The following SPINK2 variants were observed in gnomAD, a reference collection of about 807,000 sequenced individuals.
SPINK2 encodes serine peptidase inhibitor Kazal type 2, also known as serine protease inhibitor Kazal-type 2.
SPINK2 carries 8 observed loss-of-function variants against 13.5 expected under a neutral mutation model. That is an observed-to-expected ratio of 0.59 (90% CI 0.35 to 1.07). The LOEUF (loss-of-function observed/expected upper bound fraction) is 1.07. Among genes scored for constraint, SPINK2 ranks in the 50% least tolerant of loss-of-function variants. SPINK2 has a pLI of 0.02. For missense variants in SPINK2, 148 were observed against 180.3 expected (o/e 0.82, Z 1.03); for synonymous variants, 76 against 74.7 (o/e 1.02, Z -0.09).
upstream of SPINK2, chr4:56,821,746 A>AGGGCGGGGAAG (rs141973778): frequency 8.1e-7 from 1 of 1,237,718 alleles, no homozygotes; most frequent in African/African-American, 1.8e-5. Context: ...GGGCGCGGGG[A>AGGGCGGGGAAG]GGGCGGGGGA....
intron 2 of SPINK2, among the ~76,000 whole-genome samples, chr4:56,813,919 C>CT (rs71194126): frequency 0.021 from 2,027 of 97,088 alleles, 33 homozygotes; most frequent in East Asian, 0.065. Context: ...GCACCTGGCC[C>CT]TTTTTTTTTT....
chr4:56,814,290 C>T (rs1436553913), intron 2 of SPINK2, among the ~76,000 whole-genome samples: 1 of 151,984 alleles, frequency 6.6e-6, no homozygotes, highest in Non-Finnish European at 1.5e-5. Flanking sequence ...CCACCCCATT[C>T]CTCAGTCCAT....
Position 56,821,537 on chromosome 4 carries a change from G to T in SPINK2, c.126C>A (p.Gly42=). Residue 42 remains glycine, a synonymous_variant, in exon 1 of 4, where the codon GGC becomes GGA. Transcript: ENST00000506738. ...GGCCGCCCGGAGCAGGGCAGGGTCC[G>T]CCGCCGGTCTGACTCCCAAACCCGC... ...EKSGFGSQTG[G]GPCPAPGGLG... is the part of the protein sequence containing the mutation. 6.5e-7 allele frequency: 1 copy of T among 1,545,530 alleles called. No homozygotes were observed.
chr4:56,815,377 C>T (rs866698663), intron 2 of SPINK2, among the ~76,000 whole-genome samples: 3 of 152,162 alleles, frequency 2.0e-5, no homozygotes, highest in Middle Eastern at 3.4e-3. Context: ...AAATAAAATG[C>T]ACCTAGATTG....
chr4:56,815,066 C>G (rs1456844762), intron 2 of SPINK2, among the ~76,000 whole-genome samples: 2 of 151,066 alleles, frequency 1.3e-5, no homozygotes, highest in South Asian at 4.2e-4. Context: ...GCCTAGGGGA[C>G]AAGGGTGAAA....
At chr4:56,813,263 C>A (rs1717148114) in intron 2 of SPINK2, among the ~76,000 whole-genome samples, 1 of 152,154 alleles carries the variant, frequency 6.6e-6, no homozygotes, top group African/African-American at 2.4e-5. Flanking sequence ...GCAGAGGTTG[C>A]AGTGAGCCGA....
chr4:56,816,975 G>A (rs983042684), intron 2 of SPINK2, among the ~76,000 whole-genome samples: 3 of 151,978 alleles, frequency 2.0e-5, no homozygotes, highest in South Asian at 2.1e-4. Context: ...AGGCTGAGCC[G>A]GGCAGATCAC....
chr4:56,814,148 T>G lies in SPINK2; in HGVS notation c.250-2354A>C, dbSNP rs181337940. On this transcript the variant is annotated intron_variant, in intron 2 of 3. Coordinates refer to ENST00000506738, the MANE Select transcript of SPINK2 (RefSeq NM_001271718.2). Reference sequence around the variant, plus strand: ...CATGTTGGCCAGGATGGTCTCAAACTCCTGACCTTGTGATCCGCCAGCCTC... The same window carrying G: ...CATGTTGGCCAGGATGGTCTCAAACGCCTGACCTTGTGATCCGCCAGCCTC... 1.7e-3 allele frequency among the ~76,000 whole-genome samples: 252 copies of G among 150,886 alleles called. 1 individual carries two copies. Among genetic ancestry groups the G allele is most frequent in the African/African-American group, 5.9e-3 (243 of 41,042 alleles).
intron 2 of SPINK2, among the ~76,000 whole-genome samples, chr4:56,815,765 C>CACAT (rs1553894817): frequency 8.3e-6 from 1 of 120,938 alleles, no homozygotes; most frequent in African/African-American, 3.0e-5. Context: ...AAGAAATTCA[C>CACAT]ACACACACAC....
chr4:56,812,557 C>A (rs1243028626), intron 2 of SPINK2, among the ~76,000 whole-genome samples: 1 of 104,916 alleles, frequency 9.5e-6, no homozygotes, highest in Non-Finnish European at 1.8e-5. Flanking sequence ...GAACGAAACT[C>A]CATCTCAAAA....
intron 2 of SPINK2, among the ~76,000 whole-genome samples, chr4:56,815,799 A>G (rs1043310024): frequency 2.1e-5 from 2 of 96,564 alleles, no homozygotes; most frequent in East Asian, 8.2e-4. Context: ...CACACACACA[A>G]AACTATTATT....
chr4:56,817,117 G>A lies in SPINK2; in HGVS notation c.249+3419C>T, dbSNP rs542380297. Among the ~76,000 whole-genome samples, 6 of 152,036 alleles carry A rather than the reference G, an allele frequency of 3.9e-5. No individual in the cohort carries two copies. In the East Asian group the frequency reaches 1.2e-3, roughly 30 times the overall value. On this transcript the variant is annotated intron_variant, in intron 2 of 3. Coordinates refer to ENST00000506738, the MANE Select transcript of SPINK2 (RefSeq NM_001271718.2). ...CTCAGGAGGCTTAGGCAGGAGAATTGCTTGAACCCAGGAGGCAGAGGTTGC... is the reference window on the plus strand; with the variant it reads ...CTCAGGAGGCTTAGGCAGGAGAATTACTTGAACCCAGGAGGCAGAGGTTGC...
At chr4:56,821,736 G>C, upstream of SPINK2, 3 of 1,373,280 alleles carry the variant, frequency 2.2e-6, no homozygotes, top group African/African-American at 1.5e-5. Context: ...TCGTGCGACG[G>C]GGCGCGGGGA....
rs1223555671 is a variant in SPINK2 at position 56,810,246 on chromosome 4, T to C, written c.360-62A>G. On this transcript the variant is annotated intron_variant, in intron 3 of 3. Coordinates refer to ENST00000506738, the MANE Select transcript of SPINK2 (RefSeq NM_001271718.2). ...CTACCATACTGAAACTGTCTCATTA[T>C]TTGTGTTAAAAAGACCCATGTAGAT... The C allele has an allele frequency of 5.5e-6, 8 of 1,446,870 alleles. No homozygotes were observed. In the East Asian group the frequency reaches 1.4e-4, roughly 25 times the overall value. The allele number at this position is 1,446,870 out of a possible 1,614,324, so 89.6% of individuals were successfully genotyped here.
At chr4:56,813,925 T>C (rs1477971557) in intron 2 of SPINK2, among the ~76,000 whole-genome samples, 2 of 140,890 alleles carry the variant, frequency 1.4e-5, no homozygotes, top group African/African-American at 2.7e-5. Flanking sequence ...GGCCCTTTTT[T>C]TTTTTTTTTT....
At position 56,813,614 on chromosome 4, in the gene SPINK2, A is replaced by G. The variant is rs149686448; in HGVS notation, c.250-1820T>C. 1.1e-3 allele frequency among the ~76,000 whole-genome samples: 173 copies of G among 151,114 alleles called. 3 individuals carry two copies. In the East Asian group the frequency reaches 0.028, roughly 24 times the overall value. ...GAGGAATCTAGGTTGTGCACTCCTTATGAGACTTTTTTTTTTTTTTGAGAC... is the reference window on the plus strand; with the variant it reads ...GAGGAATCTAGGTTGTGCACTCCTTGTGAGACTTTTTTTTTTTTTTGAGAC... On this transcript the variant is annotated intron_variant, in intron 2 of 3. Coordinates refer to ENST00000506738, the MANE Select transcript of SPINK2 (RefSeq NM_001271718.2).
At chr4:56,812,027 A>G (rs1204274432) in intron 2 of SPINK2, among the ~76,000 whole-genome samples, 2 of 145,272 alleles carry the variant, frequency 1.4e-5, no homozygotes, top group African/African-American at 5.1e-5. Context: ...CCTCCCAAGT[A>G]GCTGGGATTA....
At chr4:56,813,238 G>A (rs1024174229) in intron 2 of SPINK2, among the ~76,000 whole-genome samples, 1 of 152,112 alleles carries the variant, frequency 6.6e-6, no homozygotes, top group African/African-American at 2.4e-5. Flanking sequence ...CAGGAGAATC[G>A]TTTGAACCTG....
chr4:56,812,024 A>G (rs1717026214), intron 2 of SPINK2, among the ~76,000 whole-genome samples: 1 of 149,496 alleles, frequency 6.7e-6, no homozygotes, highest in Non-Finnish European at 1.5e-5. Flanking sequence ...CAGCCTCCCA[A>G]GTAGCTGGGA....
Sources: allele counts gnomAD v4.1 joint callset (sites outside exome capture counted in the v4.1 genomes callset), GRCh38; gene constraint gnomAD v4.1.1; transcripts MANE v1.5; gene names NCBI Gene and HGNC (gene_info 2026-07-23, HGNC 2026-07-21).